Variants in MUC5AC observed in about 807,000 individuals in gnomAD.
The protein encoded by MUC5AC is mucin-5AC.
A neutral mutation model predicts 169.7 loss-of-function variants in MUC5AC; 158 were observed. That is an observed-to-expected ratio of 0.93 (90% CI 0.82 to 1.06). The LOEUF (loss-of-function observed/expected upper bound fraction) is 1.06. Ranked by LOEUF, MUC5AC falls within the 50% of genes least tolerant of loss-of-function variation. The pLI, the probability that MUC5AC is intolerant of heterozygous loss-of-function variation, is 0.00. For missense variants in MUC5AC, 4,359 were observed against 3,089.9 expected (o/e 1.41, Z -9.74); for synonymous variants, 1,975 against 1,237.0 (o/e 1.60, Z -12.52).
rs879682172 is a variant in MUC5AC at position 1,196,262 on chromosome 11, C to T, written c.15638-126C>T. The stretch of plus-strand genomic sequence containing the variant: ...GGCGGGGCACTGGGGTGTGGGAGGC[C>T]GTAGCCAGGCCCAGGCCCACAGGTG... On this transcript the variant is annotated intron_variant, in intron 37 of 48. Transcript: ENST00000621226. The T allele has an allele frequency of 3.7e-5, 25 of 678,716 alleles. 1 individual carries two copies. Among genetic ancestry groups the T allele is most frequent in the African/African-American group, 2.5e-4 (14 of 56,670 alleles). 42.0% of individuals were successfully genotyped at this position (678,716 alleles called of 1,614,324 possible).
chr11:1,195,274 G>A lies in MUC5AC; in HGVS notation c.15453G>A (p.Leu5151=), dbSNP rs900349755. ...CATCACCCATCTGCCAGCTGATTCT[G>A]AGCAAGTGAGACTTGGGTGCAAGGG... ...CLPSPICQLI[L]SKVFEPCHTV... Residue 5151 remains leucine, a synonymous_variant, in exon 36 of 49, where the codon CTG becomes CTA. Transcript: ENST00000621226. The A allele has an allele frequency of 3.9e-6, 3 of 761,616 alleles. No homozygotes were observed. Among genetic ancestry groups the A allele is most frequent in the Non-Finnish European group, 7.2e-6 (3 of 415,080 alleles). 47.2% of individuals were successfully genotyped at this position (761,616 alleles called of 1,614,324 possible). A position where few individuals can be genotyped will look rare whatever the true frequency, so the allele number is the denominator to read the frequency against.
In MUC5AC at chr11:1,189,198, A is replaced by G; in HGVS notation, c.11053A>G (p.Ile3685Val). 1 of 598,488 alleles carries G rather than the reference A, an allele frequency of 1.7e-6. No individual in the cohort carries two copies. Among genetic ancestry groups the G allele is most frequent in the East Asian group, 2.7e-5 (1 of 36,400 alleles). 37.1% of individuals were successfully genotyped at this position (598,488 alleles called of 1,614,324 possible). Residue 3685 changes from isoleucine to valine, a missense_variant, in exon 31 of 49, where the codon ATA (isoleucine) becomes GTA (valine). Transcript: ENST00000621226. ...APTTSTTPAS[I>V]PSTTSAPTTS... ...TACAACTAGCACAACCCCTGCTTCT[A>G]TACCCAGCACAACCTCTGCCCCAAC... is the stretch of plus-strand genomic sequence containing the variant.
chr11:1,197,741 A>C (rs1193517003), intron 41 of MUC5AC, 102 bp downstream of exon 41: 2 of 628,892 alleles, frequency 3.2e-6, no homozygotes, highest in Admixed American at 2.3e-5. Flanking sequence ...ACCTGGGGAC[A>C]GTGCCTACGA....
rs1861046700 is a variant in MUC5AC at position 1,189,848 on chromosome 11, C to G, written c.11703C>G (p.Thr3901=). Residue 3901 remains threonine (T), a synonymous_variant, in exon 31 of 49, where the codon ACC becomes ACG. Coordinates refer to ENST00000621226, the MANE Select transcript of MUC5AC (RefSeq NM_001304359.2). The stretch of plus-strand genomic sequence containing the variant: ...GCAGCACAAGCTCCACTCCACAGAC[C>G]AGCAAAACCTCAGCTGCTACAAGCA... ...PTSSTSSTPQ[T]SKTSAATSST... 1.3e-6 allele frequency: 1 copy of G among 760,886 alleles called. No individual in the cohort carries two copies. Among genetic ancestry groups the G allele is most frequent in the African/African-American group, 1.7e-5 (1 of 59,094 alleles). The allele number at this position is 760,886 out of a possible 1,614,324, so 47.1% of individuals were successfully genotyped here.
chr11:1,199,063 G>A lies in MUC5AC; in HGVS notation c.16297-24G>A, dbSNP rs56371565. ...GGGGGCAGCGGTCGCCTGGATTCCA[G>A]CCACATGTCCATCCCTCCCGCAGGG... On this transcript the variant is annotated intron_variant, in intron 44 of 48. Coordinates refer to ENST00000621226, the MANE Select transcript of MUC5AC (RefSeq NM_001304359.2). 403 of 763,604 alleles carry A rather than the reference G, an allele frequency of 5.3e-4. No homozygotes were observed. The African/African-American group carries it at 6.1e-3, about 12-fold the overall frequency. The allele number at this position is 763,604 out of a possible 1,614,324, so 47.3% of individuals were successfully genotyped here. A position where few individuals can be genotyped will look rare whatever the true frequency, so the allele number is the denominator to read the frequency against.
chr11:1,169,983 C>CACTCACCT (rs1860453489), intron 15 of MUC5AC, among the ~76,000 whole-genome samples: 1 of 145,254 alleles, frequency 6.9e-6, no homozygotes, highest in Non-Finnish European at 1.5e-5. Flanking sequence ...CTCACTCACC[C>CACTCACCT]ACTCACCCAT....
At chr11:1,181,555 G>A in intron 30 of MUC5AC, 96 bp downstream of exon 30, 1 of 398,234 alleles carries the variant, frequency 2.5e-6, no homozygotes, top group Non-Finnish European at 4.4e-6. Flanking sequence ...GCAGCTCTGG[G>A]CATGGGCGGC....
Position 1,198,319 on chromosome 11 carries a change from A to C in MUC5AC, c.16173+14A>C. 1.3e-6 allele frequency: 1 copy of C among 745,332 alleles called. No individual in the cohort carries two copies. Among genetic ancestry groups the C allele is most frequent in the Non-Finnish European group, 2.4e-6 (1 of 408,570 alleles). 46.2% of individuals were successfully genotyped at this position (745,332 alleles called of 1,614,324 possible). On this transcript the variant is annotated intron_variant, in intron 43 of 48. Transcript: ENST00000621226. ...ACCCTGTACCAGGTAAGAGCCACGG[A>C]GCTCAGACCCCCTCAGCCATAGGGA...
At chr11:1,199,032 C>G (rs1240205362) in intron 44 of MUC5AC, 36 bp downstream of exon 44, 1 of 763,182 alleles carries the variant, frequency 1.3e-6, no homozygotes. Context: ...CCTGCCCTGG[C>G]TCTTGGGGGG....
At chr11:1,173,022 C>T (rs1443992346) in intron 16 of MUC5AC, among the ~76,000 whole-genome samples, 1 of 147,248 alleles carries the variant, frequency 6.8e-6, no homozygotes, top group Non-Finnish European at 1.5e-5. Context: ...ATTCGCCCCC[C>T]CACTCACCCA....
rs1307600702 is a variant in MUC5AC at position 1,196,727 on chromosome 11, G to A, written c.15829+7G>A. 2.7e-6 allele frequency: 2 copies of A among 750,944 alleles called. No individual in the cohort carries two copies. The highest frequency in any genetic ancestry group is 1.8e-5 in the Admixed American group (1 of 56,968). 46.5% of individuals were successfully genotyped at this position (750,944 alleles called of 1,614,324 possible). Reference sequence around the variant, plus strand: ...GTGCCCACGGGCTGCCCCAGTACGTGCCCCAGGCCGGGGCTGGGGGGTGTG... The same window carrying A: ...GTGCCCACGGGCTGCCCCAGTACGTACCCCAGGCCGGGGCTGGGGGGTGTG... On this transcript the variant is annotated splice_region_variant and intron_variant, in intron 39 of 48. Transcript: ENST00000621226.
At position 1,182,196 on chromosome 11, in the gene MUC5AC, G is replaced by A. The variant is rs961798989; in HGVS notation, c.4051G>A (p.Ala1351Thr). Reference sequence around the variant, plus strand: ...CACCCCCAGCAATGGCCCAAGCAGCGCGCACACAGGCCCTCCGAGCAGCGC... The same window carrying A: ...CACCCCCAGCAATGGCCCAAGCAGCACGCACACAGGCCCTCCGAGCAGCGC... ...THTPSNGPSSAHTGPPSSAWP... is the reference protein window; with the variant it reads ...THTPSNGPSSTHTGPPSSAWP... The change falls in exon 31 of 49, where the codon GCG becomes ACG. Residue 1351 changes from alanine (A) to threonine (T), a missense_variant. Ala to Thr is a moderately conservative substitution (Grantham distance 58, BLOSUM62 0). Coordinates refer to ENST00000621226, the MANE Select transcript of MUC5AC (RefSeq NM_001304359.2). 5.3e-5 allele frequency: 21 copies of A among 398,706 alleles called. No individual in the cohort carries two copies. The Middle Eastern group carries it at 1.9e-3, about 36-fold the overall frequency. The allele number at this position is 398,706 out of a possible 1,614,324, so 24.7% of individuals were successfully genotyped here. A position where few individuals can be genotyped will look rare whatever the true frequency, so the allele number is the denominator to read the frequency against.
intron 15 of MUC5AC, among the ~76,000 whole-genome samples, chr11:1,169,829 CCCA>C (rs1860446288): frequency 6.9e-6 from 1 of 144,752 alleles, no homozygotes; most frequent in Non-Finnish European, 1.5e-5. Flanking sequence ...CACCCATTCA[CCCA>C]CTCACTCACC....
At position 1,190,684 on chromosome 11, in the gene MUC5AC, C is replaced by A. The variant is rs1330735919; in HGVS notation, c.12539C>A (p.Ala4180Asp). Residue 4180 changes from alanine (A) to aspartate (D), a missense_variant, in exon 31 of 49, where the codon GCC becomes GAC. By Grantham distance (126) the Ala-to-Asp change is moderately radical. Transcript: ENST00000621226. The part of the protein sequence containing the change: ...NSAPTTSTIS[A>D]STTSTISAPT... The stretch of plus-strand genomic sequence containing the variant: ...GCTCCTACAACCAGCACAATCTCTG[C>A]CTCTACAACCAGCACAATCTCTGCC... The A allele has an allele frequency of 8.6e-6, 6 of 695,000 alleles. No individual in the cohort carries two copies. The Admixed American group carries it at 1.2e-4, about 14-fold the overall frequency. The allele number at this position is 695,000 out of a possible 1,614,324, so 43.1% of individuals were successfully genotyped here.
chr11:1,198,339 T>C (rs774510048), intron 43 of MUC5AC, 34 bp downstream of exon 43: 3 of 731,400 alleles, frequency 4.1e-6, no homozygotes, highest in Admixed American at 1.9e-5. Flanking sequence ...CCCTCAGCCA[T>C]AGGGACGGAG....
chr11:1,162,162 G>A lies in MUC5AC; in HGVS notation c.467G>A (p.Gly156Asp), dbSNP rs377024824. Residue 156 changes from glycine (G) to aspartate (D), a missense_variant, in exon 4 of 49, where the codon GGC becomes GAC. Physicochemically the swap from Gly to Asp is moderately conservative, Grantham distance 94. Transcript: ENST00000621226. ...QLTKGSVLVN[G>D]HPVLLPFSQS... Reference sequence around the variant, plus strand: ...ACCAAGGGCTCCGTCCTGGTCAACGGCCACCCGTGAGTCTGGGTTCTGGGA... The same window carrying A: ...ACCAAGGGCTCCGTCCTGGTCAACGACCACCCGTGAGTCTGGGTTCTGGGA... 1.9e-6 allele frequency: 3 copies of A among 1,609,626 alleles called. No individual in the cohort carries two copies. Among genetic ancestry groups the A allele is most frequent in the East Asian group, 2.2e-5 (1 of 44,792 alleles).
chr11:1,197,246 G>C (rs1379507319), intron 40 of MUC5AC, among the ~76,000 whole-genome samples: 1 of 152,172 alleles, frequency 6.6e-6, no homozygotes, highest in African/African-American at 2.4e-5. Context: ...GTGTGAGGTG[G>C]GGGGCGCAGG....
Position 1,191,474 on chromosome 11 carries a change from T to C in MUC5AC, c.13329T>C (p.Pro4443=), listed in dbSNP as rs1861094813. 1.3e-6 allele frequency: 1 copy of C among 752,812 alleles called. No homozygotes were observed. The highest frequency in any genetic ancestry group is 1.7e-5 in the African/African-American group (1 of 58,164). The allele number at this position is 752,812 out of a possible 1,614,324, so 46.6% of individuals were successfully genotyped here. ...CTGGTCCTGGAACTACTCCCAGCCCTGTTCCCACCACAAGCACAACCTCTG... is the reference window on the plus strand; with the variant it reads ...CTGGTCCTGGAACTACTCCCAGCCCCGTTCCCACCACAAGCACAACCTCTG... ...TTSGPGTTPS[P]VPTTSTTSAS... The change falls in exon 31 of 49, where the codon CCT becomes CCC. Residue 4443 remains proline (P), a synonymous_variant. Transcript: ENST00000621226.
chr11:1,162,807 T>A (rs975860860), intron 5 of MUC5AC, 148 bp from the exon 6 acceptor site: 24 of 972,776 alleles, frequency 2.5e-5, no homozygotes, highest in Middle Eastern at 4.2e-4. Context: ...ACCAATGGTG[T>A]CCCGGGGTCT....
Sources: gnomAD v4.1 joint callset for allele counts (sites outside exome capture counted in the v4.1 genomes callset) on GRCh38, gnomAD v4.1.1 for gene constraint, MANE v1.5 for transcripts, NCBI Gene and HGNC (gene_info 2026-07-23, HGNC 2026-07-21) for gene names.